Variants in NCKAP5 observed in about 807,000 individuals in gnomAD.
NCKAP5 encodes the protein NCK associated protein 5, also known as nck-associated protein 5.
Under a neutral mutation model 167.0 loss-of-function variants are expected in NCKAP5, and 92 were observed. The ratio of observed to expected loss-of-function variants is 0.55; its 90% confidence interval spans 0.47 to 0.66. The LOEUF (loss-of-function observed/expected upper bound fraction) is 0.66, where lower values mean the gene tolerates loss of function less well. Ranked by LOEUF, NCKAP5 falls within the 30% of genes least tolerant of loss-of-function variation. NCKAP5 has a pLI of 0.00. For synonymous variants in NCKAP5, 891 were observed against 877.4 expected (o/e 1.02, Z -0.27); for missense variants, 2,378 against 2,315.0 (o/e 1.03, Z -0.56).
chr2:132,822,433 C>T (rs1409172517), intron 11 of NCKAP5, among the ~76,000 whole-genome samples: 3 of 152,128 alleles, frequency 2.0e-5, no homozygotes, highest in Non-Finnish European at 2.9e-5. Context: ...AGCCCTGCTG[C>T]ATGGATAGAC....
chr2:133,518,993 AC>A (rs1028019247), intron 2 of NCKAP5, among the ~76,000 whole-genome samples: 2 of 152,186 alleles, frequency 1.3e-5, no homozygotes, highest in African/African-American at 4.8e-5. Context: ...ATACCAATTA[AC>A]TTTTTAATAT....
At chr2:133,653,017 A>C in the NCKAP5 span, among the ~76,000 whole-genome samples, 1 of 152,210 alleles carries the variant, frequency 6.6e-6, no homozygotes, top group African/African-American at 2.4e-5. Flanking sequence ...CCACATTCAC[A>C]TCAGGCTTTT....
At chr2:133,003,553 T>C (rs1225559466) in intron 6 of NCKAP5, among the ~76,000 whole-genome samples, 1 of 152,210 alleles carries the variant, frequency 6.6e-6, no homozygotes, top group Non-Finnish European at 1.5e-5. Context: ...TTGGATGCTC[T>C]TAACCCAATC....
At chr2:132,719,624 G>A (rs1434235219) in intron 19 of NCKAP5, among the ~76,000 whole-genome samples, 1 of 152,230 alleles carries the variant, frequency 6.6e-6, no homozygotes, top group African/African-American at 2.4e-5. Flanking sequence ...GCAGCAAATT[G>A]ACAGGGTCTA....
the NCKAP5 span, among the ~76,000 whole-genome samples, chr2:133,647,376 A>AAGGAAGGAAGGAAGGAAGG: frequency 4.8e-5 from 4 of 82,480 alleles, no homozygotes; most frequent in Non-Finnish European, 8.7e-5. Flanking sequence ...AGGAAGAAAG[A>AAGGAAGGAAGGAAGGAAGG]AAGGAAGGAA....
At chr2:133,112,428 C>A (rs958772285) in intron 6 of NCKAP5, among the ~76,000 whole-genome samples, 6 of 151,774 alleles carry the variant, frequency 4.0e-5, no homozygotes, top group South Asian at 2.1e-4. Flanking sequence ...GAGCCAAGAT[C>A]GCACCACTGC....
At chr2:133,436,314 A>C (rs2117737) in intron 3 of NCKAP5, among the ~76,000 whole-genome samples, 114,037 of 152,110 alleles carry the variant, frequency 0.75, 43,664 homozygotes, top group African/African-American at 0.92. Flanking sequence ...TGGAATAGAG[A>C]CCAGGCATCA....
At chr2:132,945,687 A>G (rs1697664170) in intron 8 of NCKAP5, among the ~76,000 whole-genome samples, 1 of 152,218 alleles carries the variant, frequency 6.6e-6, no homozygotes, top group Non-Finnish European at 1.5e-5. Context: ...AAGAAGAAAA[A>G]GAAGTGCCTC....
At chr2:133,366,453 C>T (rs1188504731) in intron 3 of NCKAP5, among the ~76,000 whole-genome samples, 2 of 152,014 alleles carry the variant, frequency 1.3e-5, no homozygotes, top group African/African-American at 4.8e-5. Context: ...CAGGCACGTG[C>T]CACCATGCCC....
intron 19 of NCKAP5, among the ~76,000 whole-genome samples, chr2:132,679,467 G>T (rs941530748): frequency 6.6e-6 from 1 of 152,116 alleles, no homozygotes; most frequent in Non-Finnish European, 1.5e-5. Context: ...GGTGTCCAAG[G>T]TGTCCCCTAC....
intron 11 of NCKAP5, among the ~76,000 whole-genome samples, chr2:132,836,769 C>T (rs72991347): frequency 0.088 from 13,373 of 152,142 alleles, 928 homozygotes; most frequent in African/African-American, 0.19. Context: ...ATTTTCCACC[C>T]CCTAGAGCCT....
At chr2:133,359,296 C>T (rs1276993909) in intron 3 of NCKAP5, among the ~76,000 whole-genome samples, 1 of 152,178 alleles carries the variant, frequency 6.6e-6, no homozygotes, top group African/African-American at 2.4e-5. Flanking sequence ...ACAACTGCCC[C>T]ACTTCAATAT....
Position 133,364,019 on chromosome 2 carries a change from T to A in NCKAP5, c.70-60909A>T, listed in dbSNP as rs1318180945. On this transcript the variant is annotated intron_variant, in intron 3 of 19. Coordinates refer to ENST00000409261, the MANE Select transcript of NCKAP5 (RefSeq NM_207363.3). ...GTGATAACTACTTACCAAATATTAT[T>A]TCATTTAATCCCTCAATTACCTCAT... Among the ~76,000 whole-genome samples, 3 of 152,208 alleles carry A rather than the reference T, an allele frequency of 2.0e-5. No homozygotes were observed. The East Asian group carries it at 5.8e-4, about 29-fold the overall frequency.
chr2:132,949,460 G>A (rs2076116121), intron 8 of NCKAP5, among the ~76,000 whole-genome samples: 1 of 152,076 alleles, frequency 6.6e-6, no homozygotes, highest in African/African-American at 2.4e-5. Context: ...CTCTAGACCT[G>A]TTCTCCCTGC....
At chr2:133,156,211 C>T (rs943361263) in intron 5 of NCKAP5, among the ~76,000 whole-genome samples, 4 of 152,186 alleles carry the variant, frequency 2.6e-5, no homozygotes, top group Non-Finnish European at 5.9e-5. Flanking sequence ...AACTCACCTT[C>T]TCTGCTTTCT....
chr2:132,819,499 T>G (rs1012281377), intron 11 of NCKAP5, among the ~76,000 whole-genome samples: 3 of 152,220 alleles, frequency 2.0e-5, no homozygotes, highest in Non-Finnish European at 2.9e-5. Context: ...TTAATACTAT[T>G]ATCTAACTCT....
intron 4 of NCKAP5, among the ~76,000 whole-genome samples, chr2:133,261,513 A>G (rs2088906424): frequency 6.6e-6 from 1 of 152,176 alleles, no homozygotes; most frequent in African/African-American, 2.4e-5. Flanking sequence ...TGACAGATGT[A>G]TTTATTATGA....
the NCKAP5 span, among the ~76,000 whole-genome samples, chr2:133,617,020 T>C: frequency 2.6e-5 from 4 of 152,118 alleles, no homozygotes; most frequent in African/African-American, 9.7e-5. Flanking sequence ...ATAAATGTAA[T>C]CCAGCATATA....
the NCKAP5 span, among the ~76,000 whole-genome samples, chr2:133,635,024 C>A: frequency 3.3e-5 from 5 of 152,038 alleles, no homozygotes; most frequent in African/African-American, 4.8e-5. Flanking sequence ...TGGGCACCTG[C>A]CACCACACAT....
Sources: gnomAD v4.1 joint callset for allele counts (sites outside exome capture counted in the v4.1 genomes callset) on GRCh38, gnomAD v4.1.1 for gene constraint, MANE v1.5 for transcripts, NCBI Gene and HGNC (gene_info 2026-07-23, HGNC 2026-07-21) for gene names.